The following WRAP53 variants were observed in gnomAD, a reference collection of about 807,000 sequenced individuals.
WRAP53 encodes telomerase Cajal body protein 1.
Under a neutral mutation model 56.6 loss-of-function variants are expected in WRAP53, and 28 were observed. The ratio of observed to expected loss-of-function variants is 0.50; its 90% CI spans 0.37 to 0.68. The LOEUF (loss-of-function observed/expected upper bound fraction) is 0.68. WRAP53 is among the 30% of genes least tolerant of loss of function. WRAP53 has a pLI of 0.00. For missense variants in WRAP53, 671 were observed against 715.5 expected (o/e 0.94, Z 0.71); for synonymous variants, 283 against 283.4 (o/e 1.00, Z 0.01).
intron 4 of WRAP53, among the ~76,000 whole-genome samples, chr17:7,693,145 G>T (rs2074136727): frequency 6.9e-6 from 1 of 145,534 alleles, no homozygotes; most frequent in Non-Finnish European, 1.5e-5. Context: ...GGGCTCTGCT[G>T]GGCCTTCTCC....
In WRAP53 at chr17:7,699,525, T is replaced by A. The variant is rs1260158868; in HGVS notation, c.643-1216T>A. ...ATTTATATATATATATATATATTTA[T>A]ATATATATATATATTCCTAAGGAAA... On this transcript the variant is annotated intron_variant, in intron 4 of 10. Coordinates refer to ENST00000396463, the MANE Select transcript of WRAP53 (RefSeq NM_001143992.2). Among the ~76,000 whole-genome samples the A allele has an allele frequency of 2.4e-4, 14 of 58,576 alleles. No individual in the cohort carries two copies. The East Asian group carries it at 3.3e-3, about 14-fold the overall frequency. 38.4% of individuals were successfully genotyped at this position (58,576 alleles called of 152,430 possible).
intron 4 of WRAP53, among the ~76,000 whole-genome samples, chr17:7,696,500 A>G (rs920803976): frequency 3.2e-4 from 49 of 152,160 alleles, no homozygotes; most frequent in Admixed American, 9.2e-4. Context: ...GGGTTTCACC[A>G]CGTTAGCCAG....
chr17:7,699,539 T>TATATA (rs2074247356), intron 4 of WRAP53, among the ~76,000 whole-genome samples: 2 of 81,514 alleles, frequency 2.5e-5, no homozygotes, highest in Non-Finnish European at 4.7e-5. Flanking sequence ...TATATATATA[T>TATATA]TCCTAAGGAA....
intron 4 of WRAP53, 36 bp downstream of exon 4, chr17:7,689,737 T>C (rs368795526): frequency 6.6e-7 from 1 of 1,525,576 alleles, no homozygotes; most frequent in African/African-American, 1.4e-5. Flanking sequence ...TCATCAATGC[T>C]GCACATTTAA....
chr17:7,700,671 C>T (rs929847422), intron 4 of WRAP53, 70 bp from the exon 5 acceptor site: 3 of 1,042,336 alleles, frequency 2.9e-6, no homozygotes, highest in East Asian at 2.4e-5. Flanking sequence ...TGCCACAACA[C>T]TGCTAGAGGC....
chr17:7,699,520 ATTTAT>A (rs2074244821), intron 4 of WRAP53, among the ~76,000 whole-genome samples: 4 of 22,580 alleles, frequency 1.8e-4, no homozygotes, highest in Admixed American at 7.7e-4. Flanking sequence ...ATATATATAT[ATTTAT>A]ATATATATAT....
In WRAP53 at chr17:7,702,438, T is replaced by G. The variant is rs1172636361; in HGVS notation, c.1050T>G (p.Gly350=). 7 of 1,613,976 alleles carry G rather than the reference T, an allele frequency of 4.3e-6. No homozygotes were observed. The South Asian group carries it at 6.6e-5, about 15-fold the overall frequency. Residue 350 remains glycine, a synonymous_variant, in exon 8 of 11, where the codon GGT becomes GGG. Transcript: ENST00000396463. The surrounding 1 kb of genome is among the most constrained non-coding windows in gnomAD (Gnocchi z 5.0). ...YACGSYGRSL[G]LYAWDDGSPL... is the part of the protein sequence containing the mutation. ...GTGGCTCCTACGGCCGCTCCCTGGG[T>G]CTGTATGCCTGGGATGATGGCTCCC...
chr17:7,687,280 C>G, upstream of WRAP53: 1 of 398,514 alleles, frequency 2.5e-6, no homozygotes, highest in Non-Finnish European at 4.4e-6. Flanking sequence ...TCCCCACTGC[C>G]CCACCCCCAG....
Position 7,702,234 on chromosome 17 carries a change from G to A in WRAP53, c.956-110G>A. 1 of 1,143,730 alleles carries A rather than the reference G, an allele frequency of 8.7e-7. No homozygotes were observed. Among genetic ancestry groups the A allele is most frequent in the South Asian group, 1.3e-5 (1 of 78,168 alleles). The allele number at this position is 1,143,730 out of a possible 1,614,324, so 70.8% of individuals were successfully genotyped here. On this transcript the variant is annotated intron_variant, in intron 7 of 10. Coordinates refer to ENST00000396463, the MANE Select transcript of WRAP53 (RefSeq NM_001143992.2). This position sits in a 1 kb window ranked among gnomAD's most constrained non-coding sequence, Gnocchi z 5.0. ...TGCTTGTGACAGACAGCATGGGGGG[G>A]ATGTTGAGTCCAAGCATGTTGGTGC...
In WRAP53 at chr17:7,701,891, C is replaced by T; in HGVS notation, c.955+102C>T. The T allele has an allele frequency of 3.3e-6, 5 of 1,525,348 alleles. No individual in the cohort carries two copies. The highest frequency in any genetic ancestry group is 4.4e-6 in the Non-Finnish European group (5 of 1,131,474). 94.5% of individuals were successfully genotyped at this position (1,525,348 alleles called of 1,614,324 possible). On this transcript the variant is annotated intron_variant, in intron 7 of 10. Coordinates refer to ENST00000396463, the MANE Select transcript of WRAP53 (RefSeq NM_001143992.2). The surrounding 1 kb of genome is among the most constrained non-coding windows in gnomAD (Gnocchi z 4.2). ...GGCCACCTGTGGGGGTTCACGCCGT[C>T]CTCTGTACGGCCCCGGGAGCAGGTG... is the stretch of plus-strand genomic sequence containing the variant.
upstream of WRAP53, chr17:7,688,357 T>C (rs531543362): frequency 2.2e-5 from 11 of 496,624 alleles, no homozygotes; most frequent in South Asian, 2.4e-4. Flanking sequence ...ACGTCCCGGC[T>C]CCGCGGGTTC....
rs1259138921 is a variant in WRAP53 at position 7,703,031 on chromosome 17, C to G, written c.1307C>G (p.Ala436Gly). 6.2e-7 allele frequency: 1 copy of G among 1,614,008 alleles called. No individual in the cohort carries two copies. Among genetic ancestry groups the G allele is most frequent in the African/African-American group, 1.3e-5 (1 of 74,928 alleles). ...CTAGTGAGTGGCAGCACGAGCGGGG[C>G]TGTCTCTGTGTGGGACACGGACGGG... ...QFLVSGSTSG[A>G]VSVWDTDGPG... The change falls in exon 10 of 11, where the codon GCT becomes GGT. Residue 436 changes from alanine (A) to glycine (G), a missense_variant. Coordinates refer to ENST00000396463, the MANE Select transcript of WRAP53 (RefSeq NM_001143992.2).
intron 4 of WRAP53, 109 bp from the exon 5 acceptor site, chr17:7,700,632 G>C (rs1202700854): frequency 6.4e-6 from 5 of 784,362 alleles, no homozygotes; most frequent in Non-Finnish European, 1.2e-5. Flanking sequence ...CATTGAGACA[G>C]AGTCTGTGCT....
rs1220989254 is a variant in WRAP53, at chr17:7,702,505, CTCT to C, written c.1118_1120del (p.Leu373_Cys374delinsArg). On this transcript the variant is annotated inframe_deletion, in exon 8 of 11. Transcript: ENST00000396463. The surrounding 1 kb of genome is among the most constrained non-coding windows in gnomAD (Gnocchi z 5.0). Reference sequence around the variant, plus strand: ...AGGGCACCAAGGGGGCATCACCCACCTCTGCTTTCATCCCGATGGCAACCGCTT... The same window carrying C: ...AGGGCACCAAGGGGGCATCACCCACCGCTTTCATCCCGATGGCAACCGCTT... 1 of 1,613,440 alleles carries C rather than the reference CTCT, an allele frequency of 6.2e-7. No individual in the cohort carries two copies. The highest frequency in any genetic ancestry group is 1.1e-5 in the South Asian group (1 of 91,070).
intron 4 of WRAP53, among the ~76,000 whole-genome samples, chr17:7,690,136 A>G (rs2074089663): frequency 1.3e-5 from 2 of 152,190 alleles, no homozygotes; most frequent in African/African-American, 4.8e-5. Context: ...TTTAGTAGAG[A>G]CGGGGTTTCG....
At chr17:7,686,182 T>A (rs1237541546), upstream of WRAP53, 1 of 152,268 alleles carries the variant, frequency 6.6e-6, no homozygotes, top group Non-Finnish European at 1.5e-5. Context: ...ACGTTCAGCC[T>A]GCGTCTGGAA....
upstream of WRAP53, chr17:7,687,975 T>G (rs1455272654): frequency 2.1e-5 from 4 of 192,216 alleles, no homozygotes; most frequent in East Asian, 5.1e-4. Flanking sequence ...ATAAGATTTA[T>G]TTGTTCATTG....
chr17:7,687,283 A>G (rs1166711135), upstream of WRAP53: 2 of 392,658 alleles, frequency 5.1e-6, no homozygotes, highest in Non-Finnish European at 8.9e-6. Flanking sequence ...CCACTGCCCC[A>G]CCCCCAGCCC....
At position 7,702,117 on chromosome 17, in the gene WRAP53, G is replaced by A. The variant is rs2074283374; in HGVS notation, c.956-227G>A. The A allele has an allele frequency of 2.9e-6, 2 of 693,582 alleles. No homozygotes were observed. Among genetic ancestry groups the A allele is most frequent in the East Asian group, 2.7e-5 (1 of 37,074 alleles). The allele number at this position is 693,582 out of a possible 1,614,324, so 43.0% of individuals were successfully genotyped here. On this transcript the variant is annotated intron_variant, in intron 7 of 10. Transcript: ENST00000396463. The surrounding 1 kb of genome is among the most constrained non-coding windows in gnomAD (Gnocchi z 5.0). The stretch of plus-strand genomic sequence containing the variant: ...AGGCCTTCAACTTGCATCTCTCCAA[G>A]GAAGAACTGGGATTTGAGAGGGATG...
Sources: gnomAD v4.1 joint callset for allele counts (sites outside exome capture counted in the v4.1 genomes callset) on GRCh38, gnomAD v4.1.1 for gene constraint, Gnocchi (gnomAD v3.1) non-coding constraint, MANE v1.5 for transcripts, NCBI Gene and HGNC (gene_info 2026-07-23, HGNC 2026-07-21) for gene names.